SH3BGRL2: variants seen among roughly 807,000 people sequenced by gnomAD.
The protein encoded by SH3BGRL2 is SH3 domain-binding glutamic acid-rich-like protein 2.
In SH3BGRL2, 21 loss-of-function variants were observed where a neutral mutation model predicts 14.8. The ratio of observed to expected loss-of-function variants is 1.42; its 90% CI spans 1.01 to 2.05. The LOEUF is 2.05. SH3BGRL2 is among the 30% of genes most tolerant of loss of function. The pLI, the probability that SH3BGRL2 is intolerant of heterozygous loss-of-function variation, is 0.00. For synonymous variants in SH3BGRL2, 50 were observed against 47.8 expected (o/e 1.05, Z -0.19); for missense variants, 147 against 130.8 (o/e 1.12, Z -0.61).
At chr6:79,656,470 A>G (rs1582722036) in intron 1 of SH3BGRL2, among the ~76,000 whole-genome samples, 1 of 152,226 alleles carries the variant, frequency 6.6e-6, no homozygotes, top group Admixed American at 6.5e-5. Flanking sequence ...ACATTTGAGT[A>G]TATACCATGT....
intron 1 of SH3BGRL2, among the ~76,000 whole-genome samples, chr6:79,669,452 C>CTTTTT (rs66477199): frequency 8.1e-5 from 10 of 122,920 alleles, no homozygotes; most frequent in East Asian, 2.4e-4. Context: ...AATTTATATT[C>CTTTTT]TTTTTTTTTT....
intron 1 of SH3BGRL2, among the ~76,000 whole-genome samples, chr6:79,660,453 A>G (rs1408682766): frequency 1.3e-5 from 2 of 152,032 alleles, no homozygotes; most frequent in Admixed American, 6.6e-5. Flanking sequence ...ATTGATTTGC[A>G]TATGTTGAAC....
the SH3BGRL2 span, among the ~76,000 whole-genome samples, chr6:79,619,326 GT>G: frequency 3.7e-3 from 548 of 150,080 alleles, no homozygotes; most frequent in Non-Finnish European, 5.0e-3. Context: ...TCTGTGCTTT[GT>G]TTTTTTTTCC....
the SH3BGRL2 span, among the ~76,000 whole-genome samples, chr6:79,594,875 A>C: frequency 1.3e-5 from 2 of 152,230 alleles, no homozygotes; most frequent in Non-Finnish European, 2.9e-5. Flanking sequence ...AAAACTTTAC[A>C]AGACAATTTA....
At chr6:79,664,137 C>T (rs1409183347) in intron 1 of SH3BGRL2, among the ~76,000 whole-genome samples, 1 of 152,216 alleles carries the variant, frequency 6.6e-6, no homozygotes, top group Non-Finnish European at 1.5e-5. Flanking sequence ...GAGGTGACGT[C>T]CCACCCTGCT....
At chr6:79,618,631 G>A in the SH3BGRL2 span, among the ~76,000 whole-genome samples, 115,580 of 151,304 alleles carry the variant, frequency 0.76, 44,217 homozygotes, top group Middle Eastern at 0.81. Flanking sequence ...ATTTGAACCC[G>A]GGAGGTGGAG....
chr6:79,580,876 A>G, the SH3BGRL2 span, among the ~76,000 whole-genome samples: 15,868 of 152,198 alleles, frequency 0.1, 1,649 homozygotes, highest in East Asian at 0.56. Context: ...GATCAACAAA[A>G]TTGATAGACC....
At chr6:79,619,877 G>A in the SH3BGRL2 span, among the ~76,000 whole-genome samples, 1 of 152,158 alleles carries the variant, frequency 6.6e-6, no homozygotes, top group Non-Finnish European at 1.5e-5. Context: ...AAAAAGAAAA[G>A]AAACCTGAGA....
the SH3BGRL2 span, among the ~76,000 whole-genome samples, chr6:79,599,436 A>G: frequency 2.0e-5 from 3 of 150,842 alleles, no homozygotes; most frequent in Admixed American, 6.6e-5. Context: ...CAATGGTGCA[A>G]TATCAGCTCA....
At chr6:79,586,143 C>G in the SH3BGRL2 span, among the ~76,000 whole-genome samples, 2 of 150,152 alleles carry the variant, frequency 1.3e-5, no homozygotes, top group African/African-American at 2.5e-5. Flanking sequence ...TTGCGGTTAG[C>G]CAAGATAGTG....
At chr6:79,555,505 A>G in the SH3BGRL2 span, among the ~76,000 whole-genome samples, 1 of 152,126 alleles carries the variant, frequency 6.6e-6, no homozygotes, top group African/African-American at 2.4e-5. Context: ...GGACGCATAA[A>G]CTGACAAACT....
At chr6:79,554,464 A>C in the SH3BGRL2 span, among the ~76,000 whole-genome samples, 3 of 152,328 alleles carry the variant, frequency 2.0e-5, no homozygotes, top group African/African-American at 7.2e-5. Context: ...TTGCTGGAGT[A>C]TTCTTTGAAA....
the SH3BGRL2 span, among the ~76,000 whole-genome samples, chr6:79,593,660 C>A: frequency 1.3e-5 from 2 of 152,172 alleles, no homozygotes; most frequent in African/African-American, 4.8e-5. Flanking sequence ...AAATACAATT[C>A]AGTCTTCATG....
chr6:79,615,834 T>TTC, the SH3BGRL2 span, among the ~76,000 whole-genome samples: 668 of 145,598 alleles, frequency 4.6e-3, 9 homozygotes, highest in African/African-American at 0.015. Flanking sequence ...TTTTCTTTCT[T>TTC]TTTTTTTTTT....
the SH3BGRL2 span, among the ~76,000 whole-genome samples, chr6:79,559,576 C>T: frequency 6.6e-6 from 1 of 152,178 alleles, no homozygotes; most frequent in African/African-American, 2.4e-5. Flanking sequence ...AAATACAATA[C>T]TTCGTATTAG....
the SH3BGRL2 span, among the ~76,000 whole-genome samples, chr6:79,617,506 T>C: frequency 5.3e-5 from 8 of 152,072 alleles, no homozygotes; most frequent in Admixed American, 3.9e-4. Flanking sequence ...AAGGTCTTTA[T>C]ACTTTTGTTT....
the SH3BGRL2 span, among the ~76,000 whole-genome samples, chr6:79,581,294 C>A: frequency 6.6e-6 from 1 of 152,148 alleles, no homozygotes; most frequent in Non-Finnish European, 1.5e-5. Context: ...TTTTATGAGG[C>A]CAGCATCATC....
the SH3BGRL2 span, among the ~76,000 whole-genome samples, chr6:79,582,630 T>C: frequency 6.6e-6 from 1 of 152,148 alleles, no homozygotes; most frequent in African/African-American, 2.4e-5. Context: ...TATACAAAAA[T>C]TAATTCAAGA....
intron 1 of SH3BGRL2, among the ~76,000 whole-genome samples, chr6:79,648,255 C>CGCATATATATATATATATATAT (rs749278658): frequency 6.4e-5 from 4 of 62,472 alleles, no homozygotes; most frequent in Non-Finnish European, 1.2e-4. Context: ...ATTCTTTTGG[C>CGCATATATATATATATATATAT]ATATATATAT....
Sources: gnomAD v4.1 joint callset for allele counts (sites outside exome capture counted in the v4.1 genomes callset) on GRCh38, gnomAD v4.1.1 for gene constraint, MANE v1.5 for transcripts, NCBI Gene and HGNC (gene_info 2026-07-23, HGNC 2026-07-21) for gene names.